SHANK2: variants seen among roughly 807,000 people sequenced by gnomAD.
The protein encoded by SHANK2 is SH3 and multiple ankyrin repeat domains 2.
Under a neutral mutation model 133.7 loss-of-function variants are expected in SHANK2, and 43 were observed. The observed-to-expected ratio is 0.32, with a 90% CI of 0.25 to 0.41. SHANK2 has a LOEUF of 0.41. SHANK2 is among the 10% of genes least tolerant of loss of function. The pLI is 1.00. For synonymous variants in SHANK2, 1,017 were observed against 952.8 expected, an observed-to-expected ratio of 1.07 and a Z score of -1.24; for missense variants, 1,994 against 2,235.8, an observed-to-expected ratio of 0.89 and a Z score of 2.18.
In SHANK2 at chr11:70,487,181, C is replaced by T; in HGVS notation, c.3112G>A (p.Glu1038Lys). 6.2e-7 allele frequency: 1 copy of T among 1,613,640 alleles called. No homozygotes were observed. The highest frequency in any genetic ancestry group is 8.5e-7 in the Non-Finnish European group (1 of 1,180,024). Residue 1038 changes from glutamate (E) to lysine (K), a missense_variant, in exon 25 of 26, where the codon GAG (glutamate) becomes AAG (lysine). Glu to Lys is a moderately conservative substitution (Grantham distance 56). Coordinates refer to ENST00000601538, the MANE Select transcript of SHANK2 (RefSeq NM_012309.5). The surrounding 1 kb of genome is among the most constrained non-coding windows in gnomAD (Gnocchi z 5.8). ...TTGCCGCTGCTGCTGGTGGACGGCT[C>T]CTTCACGATGATGGTCGGGATAGGG... Reference protein sequence around the residue: ...SIPIPTIIVKEPSTSSSGKSS... With the variant: ...SIPIPTIIVKKPSTSSSGKSS...
At chr11:71,228,901 G>A (rs1351246826) in intron 1 of SHANK2, among the ~76,000 whole-genome samples, 1 of 152,078 alleles carries the variant, frequency 6.6e-6, no homozygotes, top group East Asian at 1.9e-4. Context: ...TATATACCAT[G>A]ACTAAATGGC....
intron 17 of SHANK2, among the ~76,000 whole-genome samples, chr11:70,625,301 T>C (rs1554999601): frequency 6.6e-6 from 1 of 152,166 alleles, no homozygotes; most frequent in Non-Finnish European, 1.5e-5. Flanking sequence ...GAGTCTTTGC[T>C]GGGGCTCTGT....
chr11:71,249,317 C>T (rs782003523), intron 1 of SHANK2, among the ~76,000 whole-genome samples: 10 of 152,280 alleles, frequency 6.6e-5, no homozygotes, highest in Non-Finnish European at 1.3e-4. Context: ...TCTATAGAAA[C>T]GGACAGGGTC....
At chr11:70,763,536 G>A (rs1230643568) in intron 14 of SHANK2, among the ~76,000 whole-genome samples, 1 of 152,112 alleles carries the variant, frequency 6.6e-6, no homozygotes, top group African/African-American at 2.4e-5. Flanking sequence ...GGCTGGGCTC[G>A]CAGTGGTCAG....
intron 1 of SHANK2, among the ~76,000 whole-genome samples, chr11:71,242,824 G>A (rs1555124557): frequency 6.6e-6 from 1 of 152,232 alleles, no homozygotes; most frequent in Non-Finnish European, 1.5e-5. Flanking sequence ...GAGGCCTCAT[G>A]CCCGGCTATA....
At chr11:70,832,274 G>T (rs1349380218) in intron 11 of SHANK2, among the ~76,000 whole-genome samples, 5 of 152,222 alleles carry the variant, frequency 3.3e-5, no homozygotes, top group African/African-American at 1.2e-4. Flanking sequence ...TCTGTAAGTG[G>T]ATAGCAAGGC....
intron 3 of SHANK2, among the ~76,000 whole-genome samples, chr11:71,125,330 G>A (rs1217392145): frequency 2.6e-5 from 4 of 152,192 alleles, no homozygotes; most frequent in Non-Finnish European, 4.4e-5. Context: ...GTAAGCCATC[G>A]TGTGAATGCA....
intron 1 of SHANK2, among the ~76,000 whole-genome samples, chr11:71,230,386 G>A (rs368525314): frequency 1.3e-5 from 2 of 151,946 alleles, no homozygotes; most frequent in East Asian, 1.9e-4. Flanking sequence ...TCAAGACCAC[G>A]GTGAAACCCC....
rs199939993 is a variant in SHANK2 at position 71,133,943 on chromosome 11, A to T, written c.207+13177T>A. Among the ~76,000 whole-genome samples, 1,059 of 112,372 alleles carry T rather than the reference A, an allele frequency of 9.4e-3. 15 individuals carry two copies. Among genetic ancestry groups the T allele is most frequent in the African/African-American group, 0.035 (1,011 of 28,798 alleles). The allele number at this position is 112,372 out of a possible 152,430, so 73.7% of individuals were successfully genotyped here. Reference sequence around the variant, plus strand: ...AACTATGTATTTTTTTTTTTTTTTTAGGGAAGGGGTCTCATTACGTTGCCC... The same window carrying T: ...AACTATGTATTTTTTTTTTTTTTTTTGGGAAGGGGTCTCATTACGTTGCCC... On this transcript the variant is annotated intron_variant, in intron 3 of 25. Coordinates refer to ENST00000601538, the MANE Select transcript of SHANK2 (RefSeq NM_012309.5).
In SHANK2 at chr11:70,496,899, C is replaced by T. The variant is rs573193516; in HGVS notation, c.2308+3671G>A. ...ACCCTACCCATCATCACAGTCGCCA[C>T]ATCAGAGGGTGGGGCTGGTCATGTC... On this transcript the variant is annotated intron_variant, in intron 21 of 25. Transcript: ENST00000601538. 49 of 453,872 alleles carry T rather than the reference C, an allele frequency of 1.1e-4. 1 individual carries two copies. The highest frequency in any genetic ancestry group is 6.2e-4 in the South Asian group (40 of 64,116). The allele number at this position is 453,872 out of a possible 1,614,324, so 28.1% of individuals were successfully genotyped here.
chr11:70,908,175 G>T, intron 10 of SHANK2: 1 of 250,954 alleles, frequency 4.0e-6, no homozygotes, highest in South Asian at 4.3e-5. Context: ...GAAACAGATT[G>T]TTGCTTAAGA....
At chr11:70,519,656 A>C (rs1289378589) in intron 17 of SHANK2, among the ~76,000 whole-genome samples, 2 of 152,198 alleles carry the variant, frequency 1.3e-5, no homozygotes, top group African/African-American at 4.8e-5. Flanking sequence ...TCAAAAAAAA[A>C]CAAAAAGTGC....
intron 2 of SHANK2, among the ~76,000 whole-genome samples, chr11:71,219,247 AGTCT>A (rs781820121): frequency 1.8e-4 from 27 of 152,234 alleles, no homozygotes; most frequent in Non-Finnish European, 3.5e-4. Context: ...CAGAGCATGC[AGTCT>A]GTCACAACGA....
At chr11:70,562,143 G>A (rs11821415) in intron 17 of SHANK2, among the ~76,000 whole-genome samples, 3,990 of 152,196 alleles carry the variant, frequency 0.026, 164 homozygotes, top group African/African-American at 0.092. Context: ...ATACGATTCC[G>A]TTTTGGTTAG....
At chr11:70,524,095 C>T (rs2059365683) in intron 17 of SHANK2, among the ~76,000 whole-genome samples, 1 of 152,168 alleles carries the variant, frequency 6.6e-6, no homozygotes, top group Non-Finnish European at 1.5e-5. Flanking sequence ...CATAGTTACA[C>T]CATTCAGTCC....
chr11:71,069,089 C>T (rs1951107493), intron 9 of SHANK2, among the ~76,000 whole-genome samples: 1 of 151,642 alleles, frequency 6.6e-6, no homozygotes, highest in Non-Finnish European at 1.5e-5. Flanking sequence ...CCACCACCAT[C>T]ATCACCATCA....
intron 1 of SHANK2, among the ~76,000 whole-genome samples, chr11:71,231,409 G>A (rs1954739034): frequency 6.6e-6 from 1 of 152,194 alleles, no homozygotes; most frequent in African/African-American, 2.4e-5. Context: ...GACACCAATT[G>A]CTAGTAAGAA....
chr11:70,537,353 A>T (rs1188551376), intron 17 of SHANK2, among the ~76,000 whole-genome samples: 3 of 152,244 alleles, frequency 2.0e-5, no homozygotes, highest in Non-Finnish European at 4.4e-5. Context: ...AAATGTAATT[A>T]TGTTTCTCAA....
intron 2 of SHANK2, among the ~76,000 whole-genome samples, chr11:71,151,740 C>T (rs188191598): frequency 1.4e-3 from 211 of 152,330 alleles, no homozygotes; most frequent in African/African-American, 4.8e-3. Flanking sequence ...ACGGCCCACA[C>T]TGGTTCTGCC....
Sources: gnomAD v4.1 joint callset for allele counts (sites outside exome capture counted in the v4.1 genomes callset) on GRCh38, gnomAD v4.1.1 for gene constraint, Gnocchi (gnomAD v3.1) non-coding constraint, MANE v1.5 for transcripts, NCBI Gene and HGNC (gene_info 2026-07-23, HGNC 2026-07-21) for gene names.